The following MRC1 variants were observed in gnomAD, a reference collection of about 807,000 sequenced individuals.
The protein encoded by MRC1 is mannose receptor C-type 1, also known as macrophage mannose receptor 1.
Under a neutral mutation model 102.9 loss-of-function variants are expected in MRC1, and 62 were observed. The ratio of observed to expected loss-of-function variants is 0.60; its 90% CI spans 0.49 to 0.74. The LOEUF (loss-of-function observed/expected upper bound fraction) is 0.74. Among genes scored for constraint, MRC1 ranks in the 30% least tolerant of loss-of-function variants. The pLI is 0.00. For missense variants in MRC1, 1,237 were observed against 862.8 expected (o/e 1.43, Z -5.43); for synonymous variants, 457 against 298.4 (o/e 1.53, Z -5.48).
At chr10:17,836,473 G>A (rs1408674824) in intron 4 of MRC1, among the ~76,000 whole-genome samples, 1 of 152,178 alleles carries the variant, frequency 6.6e-6, no homozygotes, top group Non-Finnish European at 1.5e-5. Flanking sequence ...AGATGATTAA[G>A]GAATAGAAAA....
intron 22 of MRC1, among the ~76,000 whole-genome samples, chr10:17,892,076 CAGTT>C (rs1272785840): frequency 3.9e-5 from 6 of 152,104 alleles, no homozygotes; most frequent in Non-Finnish European, 7.4e-5. Flanking sequence ...GGTGAAACCG[CAGTT>C]AGTTAGGCAC....
At chr10:17,867,319 C>CCTT (rs559328317) in intron 12 of MRC1, among the ~76,000 whole-genome samples, 1 of 135,774 alleles carries the variant, frequency 7.4e-6, no homozygotes, top group Non-Finnish European at 1.7e-5. Flanking sequence ...CTTCCTCCTT[C>CCTT]CTTCTTCTTC....
At chr10:17,878,903 G>A (rs898853737) in intron 18 of MRC1, among the ~76,000 whole-genome samples, 1 of 152,154 alleles carries the variant, frequency 6.6e-6, no homozygotes, top group Non-Finnish European at 1.5e-5. Context: ...TTTCTAAAGT[G>A]AAAAGGTCAA....
intron 13 of MRC1, 118 bp downstream of exon 13, chr10:17,870,491 C>T: frequency 1.3e-6 from 1 of 764,050 alleles, no homozygotes; most frequent in Non-Finnish European, 2.4e-6. Context: ...GCACCTGTAT[C>T]ATCTCCCAAA....
chr10:17,884,274 T>G (rs1833558888), intron 21 of MRC1, among the ~76,000 whole-genome samples: 1 of 152,192 alleles, frequency 6.6e-6, no homozygotes, highest in African/African-American at 2.4e-5. Context: ...CAGCCCCTGA[T>G]GTGAGCATTT....
At chr10:17,879,923 T>G (rs1293478085) in intron 19 of MRC1, 102 bp downstream of exon 19, 7 of 774,596 alleles carry the variant, frequency 9.0e-6, no homozygotes, top group Non-Finnish European at 1.4e-5. Flanking sequence ...TCAGACAAGA[T>G]AAGAAGAGAG....
intron 11 of MRC1, among the ~76,000 whole-genome samples, chr10:17,864,294 C>T (rs1244371135): frequency 2.6e-5 from 4 of 151,988 alleles, no homozygotes; most frequent in Non-Finnish European, 4.4e-5. Context: ...TGAGCCACTG[C>T]GCATGTCCTG....
chr10:17,812,289 A>G (rs1838235800), intron 1 of MRC1, among the ~76,000 whole-genome samples: 1 of 152,280 alleles, frequency 6.6e-6, no homozygotes, highest in South Asian at 2.1e-4. Flanking sequence ...CAGTTGGGTT[A>G]TAATCATGGT....
rs1176776025 is a variant in MRC1, at chr10:17,885,491, C to A, written c.3147+56C>A. 3.5e-5 allele frequency: 27 copies of A among 772,268 alleles called. No homozygotes were observed. The East Asian group carries it at 5.6e-4, about 16-fold the overall frequency. 47.8% of individuals were successfully genotyped at this position (772,268 alleles called of 1,614,324 possible). A position where few individuals can be genotyped will look rare whatever the true frequency, so the allele number is the denominator to read the frequency against. The stretch of plus-strand genomic sequence containing the variant: ...ACACCATCAGCTTGCACAGGGTTAT[C>A]ATCTTATTGATTACTGTTCCATGAA... On this transcript the variant is annotated intron_variant, in intron 22 of 29. Coordinates refer to ENST00000569591, the MANE Select transcript of MRC1 (RefSeq NM_002438.4).
chr10:17,841,505 G>A (rs1838748964), intron 5 of MRC1, among the ~76,000 whole-genome samples: 1 of 152,266 alleles, frequency 6.6e-6, no homozygotes, highest in Non-Finnish European at 1.5e-5. Context: ...ACCTACAACA[G>A]CTTTCTAATT....
chr10:17,817,132 C>T (rs1838324418), intron 1 of MRC1, among the ~76,000 whole-genome samples: 1 of 151,758 alleles, frequency 6.6e-6, no homozygotes, highest in African/African-American at 2.4e-5. Flanking sequence ...TGCCTATAGT[C>T]CCAGCTCCTG....
intron 2 of MRC1, among the ~76,000 whole-genome samples, chr10:17,824,650 C>T (rs1185023415): frequency 6.6e-6 from 1 of 151,956 alleles, no homozygotes; most frequent in Non-Finnish European, 1.5e-5. Context: ...ACAAAAAAAA[C>T]CTTTCAGGAG....
At chr10:17,809,698 A>G (rs1589159479) in intron 1 of MRC1, among the ~76,000 whole-genome samples, 172 bp downstream of exon 1, 2 of 152,062 alleles carry the variant, frequency 1.3e-5, no homozygotes, top group Admixed American at 6.5e-5. Context: ...GCGGCCAGGC[A>G]TGGGAGGCCT....
chr10:17,866,701 T>C lies in MRC1; in HGVS notation c.1923T>C (p.Thr641=), dbSNP rs980814203. 5.1e-6 allele frequency: 4 copies of C among 780,684 alleles called. No individual in the cohort carries two copies. The highest frequency in any genetic ancestry group is 5.1e-5 in the Admixed American group (3 of 59,018). 48.4% of individuals were successfully genotyped at this position (780,684 alleles called of 1,614,324 possible). A position where few individuals can be genotyped will look rare whatever the true frequency, so the allele number is the denominator to read the frequency against. Residue 641 remains threonine, a synonymous_variant, in exon 12 of 30, where the codon ACT becomes ACC. Coordinates refer to ENST00000569591, the MANE Select transcript of MRC1 (RefSeq NM_002438.4). ...CCCACCCACCGAAGCCCACGACGACTCCCGAACCCAAATGTCCGGAGGATT... is the reference window on the plus strand; with the variant it reads ...CCCACCCACCGAAGCCCACGACGACCCCCGAACCCAAATGTCCGGAGGATT... ...GVTHPPKPTT[T]PEPKCPEDWG... is the part of the protein sequence containing the mutation.
intron 3 of MRC1, among the ~76,000 whole-genome samples, chr10:17,829,343 T>C (rs1838533239): frequency 6.6e-6 from 1 of 151,520 alleles, no homozygotes; most frequent in Non-Finnish European, 1.5e-5. Flanking sequence ...TTATAATCCC[T>C]AATTATCACA....
At chr10:17,825,489 C>T (rs964647241) in intron 2 of MRC1, among the ~76,000 whole-genome samples, 2 of 152,102 alleles carry the variant, frequency 1.3e-5, no homozygotes, top group Non-Finnish European at 2.9e-5. Flanking sequence ...GCCTGTAATC[C>T]CAGCACCTTG....
chr10:17,842,042 A>G (rs1222083310), intron 5 of MRC1, among the ~76,000 whole-genome samples: 4 of 152,200 alleles, frequency 2.6e-5, no homozygotes. Flanking sequence ...AGCTCACTGC[A>G]ACCTCAGCCT....
At chr10:17,838,576 A>T (rs1554839625) in intron 4 of MRC1, among the ~76,000 whole-genome samples, 1 of 143,664 alleles carries the variant, frequency 7.0e-6, no homozygotes, top group Non-Finnish European at 1.5e-5. Flanking sequence ...AAAAGAAAGT[A>T]AAAAAAACAG....
chr10:17,852,914 G>A (rs1838938492), intron 7 of MRC1, 53 bp from the exon 8 acceptor site: 10 of 780,444 alleles, frequency 1.3e-5, no homozygotes, highest in South Asian at 5.4e-5. Context: ...TTTACCCCCC[G>A]ACCTTTGGAA....
Sources: gnomAD v4.1 joint callset for allele counts (sites outside exome capture counted in the v4.1 genomes callset) on GRCh38, gnomAD v4.1.1 for gene constraint, MANE v1.5 for transcripts, NCBI Gene and HGNC (gene_info 2026-07-23, HGNC 2026-07-21) for gene names.